The following PHF14 variants were observed in gnomAD, a reference collection of about 807,000 sequenced individuals.
PHF14 encodes the protein PHD finger protein 14.
Under a neutral mutation model 117.9 loss-of-function variants are expected in PHF14, and 55 were observed. The observed-to-expected ratio is 0.47, with a 90% CI of 0.38 to 0.58. The LOEUF (loss-of-function observed/expected upper bound fraction) is 0.58. Ranked by LOEUF, PHF14 falls within the 20% of genes least tolerant of loss-of-function variation. PHF14 has a pLI of 0.00. For missense variants in PHF14, 978 were observed against 1,122.2 expected (o/e 0.87, Z 1.84); for synonymous variants, 409 against 368.6 (o/e 1.11, Z -1.26).
At chr7:10,986,633 A>G (rs1397955046) in intron 3 of PHF14, among the ~76,000 whole-genome samples, 1 of 152,172 alleles carries the variant, frequency 6.6e-6, no homozygotes, top group African/African-American at 2.4e-5. Flanking sequence ...TTTTAAATTT[A>G]GTGCAGCCTG....
At chr7:11,054,702 AC>A (rs1784957636) in intron 14 of PHF14, among the ~76,000 whole-genome samples, 3 of 152,130 alleles carry the variant, frequency 2.0e-5, no homozygotes, top group Middle Eastern at 3.2e-3. Flanking sequence ...TTGTATAAAT[AC>A]CTTTTGCAAT....
chr7:11,102,546 CT>C, intron 16 of PHF14: 2 of 1,610,756 alleles, frequency 1.2e-6, no homozygotes, highest in Non-Finnish European at 1.7e-6. Flanking sequence ...CCGGAAACCT[CT>C]TTTATAAGTG....
At chr7:11,106,089 C>T (rs2128342422) in intron 16 of PHF14, 1 of 983,770 alleles carries the variant, frequency 1.0e-6, no homozygotes, top group Non-Finnish European at 1.2e-6. Context: ...TGAAGAGTTG[C>T]TTGACCTTAT....
intron 4 of PHF14, among the ~76,000 whole-genome samples, chr7:10,995,063 A>G (rs971681053): frequency 1.3e-5 from 2 of 152,174 alleles, no homozygotes; most frequent in African/African-American, 2.4e-5. Context: ...GATAGACACA[A>G]AAGTTCTCCA....
At chr7:11,112,141 G>A (rs1391532686) in intron 17 of PHF14, among the ~76,000 whole-genome samples, 2 of 152,128 alleles carry the variant, frequency 1.3e-5, no homozygotes, top group Non-Finnish European at 2.9e-5. Flanking sequence ...TGTTTTGACT[G>A]ATTTGGCAGA....
At chr7:11,082,121 A>G (rs1249665958) in intron 16 of PHF14, among the ~76,000 whole-genome samples, 1 of 152,058 alleles carries the variant, frequency 6.6e-6, no homozygotes, top group East Asian at 1.9e-4. Context: ...AGGTGGGAGG[A>G]TTGCTTGAGC....
Position 11,111,419 on chromosome 7 carries a change from G to C in PHF14, c.2724G>C (p.Gln908His). 2 of 1,607,782 alleles carry C rather than the reference G, an allele frequency of 1.2e-6. No homozygotes were observed. The highest frequency in any genetic ancestry group is 1.7e-6 in the Non-Finnish European group (2 of 1,175,958). The change falls in exon 17 of 18, where the codon CAG becomes CAC. Residue 908 changes from glutamine (Q) to histidine (H), a missense_variant. By Grantham distance (24) the Gln-to-His change is conservative (BLOSUM62 0). Coordinates refer to ENST00000634607, the MANE Select transcript of PHF14 (RefSeq NM_001007157.2). ...LDPPLKKSPK[Q>H]TGYGWICQEC... ...CTCCTTTGAAAAAGTCTCCTAAACA[G>C]ACAGGCTACGGATGGATATGTCAGG...
chr7:11,095,158 G>A (rs1393203075), intron 16 of PHF14, among the ~76,000 whole-genome samples: 4 of 152,108 alleles, frequency 2.6e-5, no homozygotes, highest in Non-Finnish European at 4.4e-5. Context: ...CATAGTGAAG[G>A]TAAGTAAGCA....
chr7:11,003,755 A>T (rs546033403), intron 4 of PHF14, among the ~76,000 whole-genome samples: 245 of 152,338 alleles, frequency 1.6e-3, no homozygotes, highest in African/African-American at 5.6e-3. Flanking sequence ...TCTTAATTAT[A>T]AGTGACATAT....
intron 16 of PHF14, among the ~76,000 whole-genome samples, chr7:11,085,796 C>A (rs1786381861): frequency 6.6e-6 from 1 of 151,908 alleles, no homozygotes; most frequent in African/African-American, 2.4e-5. Flanking sequence ...TAGGTTCAGT[C>A]CTTCCACCTT....
intron 16 of PHF14, 27 bp downstream of exon 16, chr7:11,062,112 T>G: frequency 6.4e-7 from 1 of 1,570,912 alleles, no homozygotes; most frequent in South Asian, 1.2e-5. Flanking sequence ...AACCTTGTCT[T>G]TAGGGGATGA....
intron 5 of PHF14, among the ~76,000 whole-genome samples, chr7:11,019,903 C>T (rs574638542): frequency 3.7e-4 from 56 of 152,068 alleles, no homozygotes; most frequent in African/African-American, 1.1e-3. Context: ...TTGCTGTATC[C>T]CATAGATTTT....
intron 13 of PHF14, among the ~76,000 whole-genome samples, chr7:11,047,100 G>A (rs190237305): frequency 4.1e-5 from 6 of 147,378 alleles, no homozygotes; most frequent in Non-Finnish European, 1.5e-5. Context: ...ATGGAGTCTC[G>A]CTCTGTCACC....
At chr7:11,026,756 A>T (rs933488135) in intron 6 of PHF14, among the ~76,000 whole-genome samples, 1 of 151,526 alleles carries the variant, frequency 6.6e-6, no homozygotes, top group Admixed American at 6.6e-5. Flanking sequence ...ATTTATTACA[A>T]GGAATTTTTC....
At chr7:11,079,836 G>A (rs1046141308) in intron 16 of PHF14, among the ~76,000 whole-genome samples, 3 of 151,782 alleles carry the variant, frequency 2.0e-5, no homozygotes, top group Non-Finnish European at 4.4e-5. Context: ...TCGTCATCCT[G>A]TTTTTTCTTC....
chr7:11,061,767 G>GT (rs74274151), intron 14 of PHF14, 24 bp from the exon 15 acceptor site: 103,090 of 949,752 alleles, frequency 0.11, 24 homozygotes, highest in South Asian at 0.14. Flanking sequence ...TTTGTTTTTT[G>GT]TTTTTTTTTT....
chr7:10,979,249 A>T (rs1476189361), intron 2 of PHF14, among the ~76,000 whole-genome samples: 2 of 152,188 alleles, frequency 1.3e-5, no homozygotes, highest in East Asian at 3.9e-4. Flanking sequence ...TTAAATTCTA[A>T]TTTTAAAATT....
At position 11,096,552 on chromosome 7, in the gene PHF14, A is replaced by G. The variant is rs567793117; in HGVS notation, c.2655-14798A>G. Among the ~76,000 whole-genome samples the G allele has an allele frequency of 9.9e-5, 15 of 152,234 alleles. No homozygotes were observed. In the South Asian group the frequency reaches 3.1e-3, roughly 32 times the overall value. ...TTTCCAGTTCATTTACGGGTATTTC[A>G]TATCGTATGTTGCTTTAACCTGGGA... On this transcript the variant is annotated intron_variant, in intron 16 of 17. Coordinates refer to ENST00000634607, the MANE Select transcript of PHF14 (RefSeq NM_001007157.2).
chr7:11,056,320 A>T (rs551687490), intron 14 of PHF14, among the ~76,000 whole-genome samples: 38 of 152,258 alleles, frequency 2.5e-4, no homozygotes, highest in African/African-American at 8.9e-4. Context: ...TGTATATACC[A>T]TTATCTCTGA....
Sources: allele counts gnomAD v4.1 joint callset (sites outside exome capture counted in the v4.1 genomes callset), GRCh38; gene constraint gnomAD v4.1.1; transcripts MANE v1.5; gene names NCBI Gene and HGNC (gene_info 2026-07-23, HGNC 2026-07-21).